The following FLI1 variants were observed in gnomAD, a reference collection of about 807,000 sequenced individuals.
The protein encoded by FLI1 is Friend leukemia integration 1 transcription factor.
FLI1 carries 13 observed loss-of-function variants against 53.1 expected under a neutral mutation model. That is an observed-to-expected ratio of 0.24 (90% CI 0.16 to 0.39). FLI1 has a LOEUF of 0.39. Ranked by LOEUF, FLI1 falls within the 10% of genes least tolerant of loss-of-function variation. The probability of loss-of-function intolerance (pLI) is 1.00; values close to 1 mark genes in which losing one functional copy is unlikely to be tolerated. For missense variants in FLI1, 424 were observed against 600.5 expected (o/e 0.71, Z 3.07); for synonymous variants, 244 against 236.7 (o/e 1.03, Z -0.28).
chr11:128,768,589 T>C (rs1941438642), intron 3 of FLI1: 1 of 290,128 alleles, frequency 3.4e-6, no homozygotes, highest in South Asian at 3.9e-5. Context: ...CTCAGGGGGC[T>C]GAAGCAGGAG....
At chr11:128,690,448 C>T (rs1416463612), upstream of FLI1, among the ~76,000 whole-genome samples, 1 of 152,190 alleles carries the variant, frequency 6.6e-6, no homozygotes, top group African/African-American at 2.4e-5. Flanking sequence ...GGTCCGCCCA[C>T]CCCAAACCCA....
chr11:128,812,076 C>T lies in FLI1; in HGVS notation c.*1088C>T. ...GCCTATAGCTGAAAAGGAAACAGGG[C>T]TGTTTAAGTCACTGACTTATGAGAA... is the stretch of plus-strand genomic sequence containing the variant. On this transcript the variant is annotated 3_prime_UTR_variant, in exon 9 of 9. Coordinates refer to ENST00000527786, the MANE Select transcript of FLI1 (RefSeq NM_002017.5). 1 of 207,288 alleles carries T rather than the reference C, an allele frequency of 4.8e-6. No individual in the cohort carries two copies. The highest frequency in any genetic ancestry group is 1.6e-3 in the Middle Eastern group (1 of 628). The allele number at this position is 207,288 out of a possible 1,614,324, so 12.8% of individuals were successfully genotyped here.
At chr11:128,726,022 G>A (rs1470431340) in intron 1 of FLI1, among the ~76,000 whole-genome samples, 1 of 152,172 alleles carries the variant, frequency 6.6e-6, no homozygotes, top group East Asian at 1.9e-4. Flanking sequence ...ATGGCTCCGT[G>A]CTTCAGCTGA....
intron 2 of FLI1, among the ~76,000 whole-genome samples, chr11:128,763,492 A>T (rs1205949547): frequency 6.6e-6 from 1 of 152,236 alleles, no homozygotes; most frequent in African/African-American, 2.4e-5. Flanking sequence ...GAAGAAAAGA[A>T]TATCAGGTTA....
At chr11:128,693,191 G>A (rs929317621), upstream of FLI1, 4 of 152,304 alleles carry the variant, frequency 2.6e-5, no homozygotes, top group African/African-American at 7.2e-5. Context: ...GGTGGCCTAG[G>A]GCGCCGCGGA....
intron 2 of FLI1, among the ~76,000 whole-genome samples, chr11:128,760,467 T>G (rs1233280858): frequency 1.3e-5 from 2 of 150,128 alleles, no homozygotes; most frequent in African/African-American, 4.9e-5. Flanking sequence ...GGGGCCCTTC[T>G]CCAAGGAGCT....
intron 4 of FLI1, among the ~76,000 whole-genome samples, chr11:128,778,961 GC>G (rs3216601): frequency 0.17 from 25,854 of 152,246 alleles, 3,338 homozygotes; most frequent in African/African-American, 0.36. Context: ...GAGGCCAGAT[GC>G]CCCCAACCAG....
chr11:128,784,240 T>A, intron 5 of FLI1, among the ~76,000 whole-genome samples: 1 of 70,282 alleles, frequency 1.4e-5, no homozygotes, highest in East Asian at 6.8e-4. Context: ...CTCCTCCTCC[T>A]CCTCCTCCTC....
upstream of FLI1, among the ~76,000 whole-genome samples, chr11:128,691,030 GGA>G (rs1565449100): frequency 6.6e-6 from 1 of 152,082 alleles, no homozygotes; most frequent in Admixed American, 6.5e-5. Flanking sequence ...GAAAGAGGAA[GGA>G]GAGAAGAGAG....
chr11:128,718,427 C>A (rs1487446242), intron 1 of FLI1, among the ~76,000 whole-genome samples: 2 of 146,868 alleles, frequency 1.4e-5, no homozygotes, highest in Non-Finnish European at 3.0e-5. Context: ...GGGAATGAGT[C>A]TCCCCAACAT....
At chr11:128,793,092 T>C (rs1942326227) in intron 5 of FLI1, among the ~76,000 whole-genome samples, 1 of 152,094 alleles carries the variant, frequency 6.6e-6, no homozygotes. Context: ...CACTCCAGCC[T>C]GGGCAACAGA....
At chr11:128,759,385 A>G (rs1941021103) in intron 2 of FLI1, among the ~76,000 whole-genome samples, 1 of 152,236 alleles carries the variant, frequency 6.6e-6, no homozygotes, top group Non-Finnish European at 1.5e-5. Context: ...CAGAGCAGTG[A>G]CTTAAGACTA....
chr11:128,781,616 G>A (rs775007605), intron 4 of FLI1, among the ~76,000 whole-genome samples: 2 of 152,134 alleles, frequency 1.3e-5, no homozygotes. Context: ...GAATAGACCC[G>A]GGTTTACTGA....
intron 1 of FLI1, among the ~76,000 whole-genome samples, chr11:128,750,179 G>A (rs774928828): frequency 1.2e-4 from 19 of 152,312 alleles, no homozygotes; most frequent in Non-Finnish European, 2.2e-4. Context: ...CACTGGGAGC[G>A]GCGGAGTGGG....
At chr11:128,704,529 C>T (rs992783747) in intron 1 of FLI1, among the ~76,000 whole-genome samples, 29 of 152,192 alleles carry the variant, frequency 1.9e-4, no homozygotes, top group Admixed American at 8.5e-4. Context: ...TTAAAAAAAT[C>T]CTGTTTAATT....
chr11:128,792,926 T>C (rs1176551991), intron 5 of FLI1, among the ~76,000 whole-genome samples: 1 of 152,038 alleles, frequency 6.6e-6, no homozygotes, highest in Non-Finnish European at 1.5e-5. Context: ...AGATCAGCCC[T>C]GGCAACACAA....
At chr11:128,799,991 G>A (rs1178866624) in intron 5 of FLI1, among the ~76,000 whole-genome samples, 3 of 152,134 alleles carry the variant, frequency 2.0e-5, no homozygotes, top group East Asian at 1.9e-4. Flanking sequence ...AAAGACCGCC[G>A]CTCACCTGCA....
At chr11:128,775,556 G>T (rs1215196321) in intron 4 of FLI1, among the ~76,000 whole-genome samples, 1 of 152,212 alleles carries the variant, frequency 6.6e-6, no homozygotes, top group Non-Finnish European at 1.5e-5. Flanking sequence ...AGGAGGCCAT[G>T]GGCTGGCGAT....
At chr11:128,723,795 C>G (rs1013101804) in intron 1 of FLI1, among the ~76,000 whole-genome samples, 2 of 152,148 alleles carry the variant, frequency 1.3e-5, no homozygotes, top group Non-Finnish European at 2.9e-5. Context: ...TAAATGAACA[C>G]TCACACTAAA....
Sources: gnomAD v4.1 joint callset for allele counts (sites outside exome capture counted in the v4.1 genomes callset) on GRCh38, gnomAD v4.1.1 for gene constraint, MANE v1.5 for transcripts, NCBI Gene and HGNC (gene_info 2026-07-23, HGNC 2026-07-21) for gene names.